The following MAK16 variants were observed in gnomAD, a reference collection of about 807,000 sequenced individuals.
MAK16 encodes MAK16 homolog.
MAK16 carries 12 observed loss-of-function variants against 49.9 expected under a neutral mutation model. The observed-to-expected ratio is 0.24, with a 90% confidence interval of 0.15 to 0.39. The LOEUF is 0.39. MAK16 is among the 10% of genes least tolerant of loss of function. The probability of loss-of-function intolerance (pLI) is 1.00; values close to 1 mark genes in which losing one functional copy is unlikely to be tolerated. For missense variants in MAK16, 292 were observed against 363.7 expected (o/e 0.80, Z 1.60); for synonymous variants, 115 against 126.4 (o/e 0.91, Z 0.60).
intron 1 of MAK16, 116 bp from the exon 2 acceptor site, chr8:33,488,262 G>C (rs940823979): frequency 8.9e-7 from 1 of 1,128,978 alleles, no homozygotes; most frequent in Admixed American, 1.9e-5. Flanking sequence ...AACAAGTCAG[G>C]CTATTTTACA....
At chr8:33,497,922 C>A (rs1808903179) in intron 9 of MAK16, among the ~76,000 whole-genome samples, 2 of 151,456 alleles carry the variant, frequency 1.3e-5, no homozygotes, top group Non-Finnish European at 1.5e-5. Context: ...ATAGCAAAAC[C>A]CCGTGTCTAC....
Position 33,498,724 on chromosome 8 carries a change from TTTTGTGTTGTACTGAACACAATA to T in MAK16, c.*104_*126del. The T allele has an allele frequency of 9.4e-7, 1 of 1,065,718 alleles. No individual in the cohort carries two copies. The highest frequency in any genetic ancestry group is 1.4e-6 in the Non-Finnish European group (1 of 736,920). 66.0% of individuals were successfully genotyped at this position (1,065,718 alleles called of 1,614,324 possible). Reference sequence around the variant, plus strand: ...ACATACACACCTCCAGTTTTTGCTCTTTTGTGTTGTACTGAACACAATATTTGTGTTTTTATTATTTATGCCAC... The same window carrying T: ...ACATACACACCTCCAGTTTTTGCTCTTTTGTGTTTTTATTATTTATGCCAC... On this transcript the variant is annotated 3_prime_UTR_variant, in exon 10 of 10. Transcript: ENST00000360128.
Position 33,499,174 on chromosome 8 carries a change from T to A in MAK16, c.*545T>A. 6.2e-7 allele frequency: 1 copy of A among 1,611,804 alleles called. No individual in the cohort carries two copies. ...CCTCTTGGGAAAGTAATACAAGTCTTAAGTTCCATTGTAGGGTGCGCCTTC... is the reference window on the plus strand; with the variant it reads ...CCTCTTGGGAAAGTAATACAAGTCTAAAGTTCCATTGTAGGGTGCGCCTTC... On this transcript the variant is annotated 3_prime_UTR_variant, in exon 10 of 10. Coordinates refer to ENST00000360128, the MANE Select transcript of MAK16 (RefSeq NM_032509.4).
rs761686068 is a variant in MAK16 at position 33,498,606 on chromosome 8, G to A, written c.880G>A (p.Val294Met). The A allele has an allele frequency of 3.0e-5, 49 of 1,613,622 alleles. No homozygotes were observed. In the Middle Eastern group the frequency reaches 1.0e-3, roughly 33 times the overall value. Residue 294 changes from valine (V) to methionine (M), a missense_variant, in exon 10 of 10, where the codon GTG (valine) becomes ATG (methionine). By Grantham distance (21) the Val-to-Met change is conservative. Coordinates refer to ENST00000360128, the MANE Select transcript of MAK16 (RefSeq NM_032509.4). ...AGAATACGAGCAGGAGACAGAGCCC[G>A]TGGCCAAAGCCAAAACCACGTGATT... is the stretch of plus-strand genomic sequence containing the variant. ...EIEYEQETEP[V>M]AKAKTT
At position 33,501,208 on chromosome 8, in the gene MAK16, C is replaced by G. The variant is rs1330397477; in HGVS notation, c.*2579C>G. On this transcript the variant is annotated 3_prime_UTR_variant, in exon 10 of 10. Transcript: ENST00000360128. ...TAATGAAAGGTGGAAAATAATTTAA[C>G]TTACAATGTGAAAATACAATGTGAA... is the stretch of plus-strand genomic sequence containing the variant. The G allele has an allele frequency of 6.6e-6, 1 of 152,092 alleles. No individual in the cohort carries two copies. Among genetic ancestry groups the G allele is most frequent in the Non-Finnish European group, 1.5e-5 (1 of 68,032 alleles). 9.4% of individuals were successfully genotyped at this position (152,092 alleles called of 1,614,324 possible).
intron 6 of MAK16, among the ~76,000 whole-genome samples, chr8:33,491,651 T>TG (rs1491476992): frequency 1.4e-5 from 2 of 145,236 alleles, no homozygotes; most frequent in Admixed American, 6.8e-5. Context: ...TTTTTTTTTT[T>TG]GAGACAAGGT....
intron 6 of MAK16, among the ~76,000 whole-genome samples, chr8:33,493,313 C>T (rs1285783533): frequency 6.6e-6 from 1 of 152,102 alleles, no homozygotes; most frequent in Non-Finnish European, 1.5e-5. Context: ...ACCACCACAC[C>T]CGGCTAATTT....
chr8:33,490,287 G>A lies in MAK16; in HGVS notation c.395G>A (p.Arg132Lys). Reference protein sequence around the residue: ...RIRKLTLKRQRKLVPLSKKVE... With the variant: ...RIRKLTLKRQKKLVPLSKKVE... ...CTGATATATTTTCTTTCCCTTAGGA[G>A]GAAACTTGTTCCTTTGAGTAAGAAG... The change falls in exon 6 of 10, where the codon AGG becomes AAG. Residue 132 changes from arginine (R) to lysine (K), a missense_variant and splice_region_variant. Transcript: ENST00000360128. 6.2e-7 allele frequency: 1 copy of A among 1,612,186 alleles called. No homozygotes were observed. Among genetic ancestry groups the A allele is most frequent in the Non-Finnish European group, 8.5e-7 (1 of 1,178,464 alleles).
rs1307684136 is a variant in MAK16 at position 33,497,439 on chromosome 8, C to G, written c.705+142C>G. The G allele has an allele frequency of 6.4e-6, 4 of 621,244 alleles. No homozygotes were observed. The African/African-American group carries it at 7.5e-5, about 12-fold the overall frequency. 38.5% of individuals were successfully genotyped at this position (621,244 alleles called of 1,614,324 possible). On this transcript the variant is annotated intron_variant, in intron 9 of 9. Transcript: ENST00000360128. ...GGCCAAAATGGGAGGATTGTTTGAGCTCAGGAGTTCGAGACCAGCCTGAAG... is the reference window on the plus strand; with the variant it reads ...GGCCAAAATGGGAGGATTGTTTGAGGTCAGGAGTTCGAGACCAGCCTGAAG...
Position 33,485,219 on chromosome 8 carries a change from G to C in MAK16, c.13G>C (p.Asp5His). The change falls in exon 1 of 10, where the codon GAT becomes CAT. Residue 5 changes from aspartate to histidine, a missense_variant and splice_region_variant. Asp to His is a moderately conservative substitution (Grantham distance 81). Coordinates refer to ENST00000360128, the MANE Select transcript of MAK16 (RefSeq NM_032509.4). ...AGCCGCGGACACCATGCAGTCGGAT[G>C]ATGTGAGTCTCCTCCGGTTGTTCTT... MQSDDVIWDTLGNKQ... is the reference protein window; with the variant it reads MQSDHVIWDTLGNKQ... 1.2e-6 allele frequency: 2 copies of C among 1,614,224 alleles called. No homozygotes were observed. Among genetic ancestry groups the C allele is most frequent in the African/African-American group, 1.3e-5 (1 of 75,060 alleles).
At position 33,485,513 on chromosome 8, in the gene MAK16, TGTCAGC is replaced by T. The variant is rs1356232072; in HGVS notation, c.15+293_15+298del. ...CAGGACGTCGCGTCATGCTGTCAGCTGTCAGCTGTCAGCTCCGGACTTGGGGTGGGG... is the reference window on the plus strand; with the variant it reads ...CAGGACGTCGCGTCATGCTGTCAGCTTGTCAGCTCCGGACTTGGGGTGGGG... On this transcript the variant is annotated intron_variant, in intron 1 of 9. Transcript: ENST00000360128. The T allele has an allele frequency of 2.8e-3, 1,289 of 454,222 alleles. 20 individuals carry two copies. The highest frequency in any genetic ancestry group is 0.022 in the African/African-American group (1,138 of 50,910). 28.1% of individuals were successfully genotyped at this position (454,222 alleles called of 1,614,324 possible). A position where few individuals can be genotyped will look rare whatever the true frequency, so the allele number is the denominator to read the frequency against.
chr8:33,495,448 C>A, intron 6 of MAK16, 94 bp from the exon 7 acceptor site: 2 of 1,041,448 alleles, frequency 1.9e-6, no homozygotes, highest in Non-Finnish European at 2.9e-6. Flanking sequence ...ATTACATTGT[C>A]TTTCTTATAA....
chr8:33,489,018 C>G lies in MAK16; in HGVS notation c.271C>G (p.Leu91Val), dbSNP rs1411075046. Reference protein sequence around the residue: ...VRLSKNYEKALEQIDENLIYW... With the variant: ...VRLSKNYEKAVEQIDENLIYW... ...GCTTAGTAAAAACTATGAGAAAGCA[C>G]TGGAGCAAATAGATGAAAATCTGAT... Residue 91 changes from leucine (L) to valine (V), a missense_variant, in exon 5 of 10, where the codon CTG becomes GTG. Physicochemically the swap from Leu to Val is conservative, Grantham distance 32. Coordinates refer to ENST00000360128, the MANE Select transcript of MAK16 (RefSeq NM_032509.4). This position sits in a 1 kb window ranked among gnomAD's most constrained non-coding sequence, Gnocchi z 4.2. 1.2e-6 allele frequency: 2 copies of G among 1,614,146 alleles called. No homozygotes were observed.
chr8:33,488,470 C>T (rs1808722142), intron 2 of MAK16, 43 bp downstream of exon 2: 2 of 1,613,220 alleles, frequency 1.2e-6, no homozygotes, highest in South Asian at 2.2e-5. Context: ...CCTTCAGTTG[C>T]CTCTTTGGCA....
intron 7 of MAK16, among the ~76,000 whole-genome samples, chr8:33,496,007 C>A (rs1404371243): frequency 6.6e-6 from 1 of 152,040 alleles, no homozygotes; most frequent in South Asian, 2.1e-4. Context: ...GATCTCCACT[C>A]GAATTTTATC....
chr8:33,487,528 C>G (rs893033411), intron 1 of MAK16, among the ~76,000 whole-genome samples: 1 of 151,588 alleles, frequency 6.6e-6, no homozygotes, highest in Non-Finnish European at 1.5e-5. Context: ...TGGGTTCAAG[C>G]GATTCTCCTG....
At chr8:33,490,839 T>C (rs1472929080) in intron 6 of MAK16, among the ~76,000 whole-genome samples, 1 of 152,242 alleles carries the variant, frequency 6.6e-6, no homozygotes, top group Non-Finnish European at 1.5e-5. Flanking sequence ...AATAATTGAC[T>C]ATAGTCACGC....
intron 1 of MAK16, among the ~76,000 whole-genome samples, chr8:33,487,021 T>A (rs1285413046): frequency 6.6e-6 from 1 of 152,190 alleles, no homozygotes; most frequent in African/African-American, 2.4e-5. Context: ...CCTATAAAAT[T>A]CTTAAAGTGT....
intron 9 of MAK16, 41 bp downstream of exon 9, chr8:33,497,338 C>CAAAA (rs35141506): frequency 8.8e-5 from 47 of 532,474 alleles, no homozygotes; most frequent in African/African-American, 2.6e-4. Flanking sequence ...TGGCCTGCAG[C>CAAAA]AAAAAAAAAA....
Sources: allele counts gnomAD v4.1 joint callset (sites outside exome capture counted in the v4.1 genomes callset), GRCh38; gene constraint gnomAD v4.1.1; non-coding constraint Gnocchi (gnomAD v3.1); transcripts MANE v1.5; gene names NCBI Gene and HGNC (gene_info 2026-07-23, HGNC 2026-07-21).